CALR3: variants seen among roughly 807,000 people sequenced by gnomAD.
The protein encoded by CALR3 is calreticulin 3.
In CALR3, 39 loss-of-function variants were observed where a neutral mutation model predicts 48.7. The ratio of observed to expected loss-of-function variants is 0.80; its 90% CI spans 0.62 to 1.05. The LOEUF (loss-of-function observed/expected upper bound fraction) is 1.05. Ranked by LOEUF, CALR3 falls within the 50% of genes least tolerant of loss-of-function variation. CALR3 has a pLI of 0.00. For synonymous variants in CALR3, 185 were observed against 172.7 expected (o/e 1.07, Z -0.56); for missense variants, 449 against 474.7 (o/e 0.95, Z 0.50).
chr19:16,491,539 G>A (rs2093398106), intron 2 of CALR3, among the ~76,000 whole-genome samples: 1 of 151,506 alleles, frequency 6.6e-6, no homozygotes, highest in Admixed American at 6.6e-5. Context: ...AGCACTTTGG[G>A]AGGCTGAGGC....
At chr19:16,480,574 G>T in intron 8 of CALR3, 40 bp downstream of exon 8, 3 of 1,410,080 alleles carry the variant, frequency 2.1e-6, no homozygotes, top group Non-Finnish European at 1.0e-6. Context: ...TTACACAAAT[G>T]AAATAGTGAT....
intron 4 of CALR3, among the ~76,000 whole-genome samples, chr19:16,484,573 A>G (rs369924656): frequency 6.6e-6 from 1 of 152,012 alleles, no homozygotes; most frequent in Non-Finnish European, 1.5e-5. Context: ...GCTGGAGTGC[A>G]GTGGTGCAAT....
intron 8 of CALR3, among the ~76,000 whole-genome samples, chr19:16,480,189 A>T (rs1283134205): frequency 8.5e-6 from 1 of 118,240 alleles, no homozygotes; most frequent in African/African-American, 3.4e-5. Context: ...CGACAGAGCG[A>T]GACTCCGTCT....
chr19:16,485,339 T>A (rs1446882946), intron 3 of CALR3, 82 bp from the exon 4 acceptor site: 1 of 924,430 alleles, frequency 1.1e-6, no homozygotes, highest in African/African-American at 1.6e-5. Context: ...TTCTTTTTTT[T>A]TTTTTGAGAC....
At position 16,479,141 on chromosome 19, in the gene CALR3, T is replaced by C; in HGVS notation, c.1145A>G (p.Asn382Ser). Residue 382 changes from asparagine (N) to serine (S), a missense_variant, in exon 9 of 9, where the codon AAT becomes AGT. Coordinates refer to ENST00000269881, the MANE Select transcript of CALR3 (RefSeq NM_145046.5). ...EHYFNQFHRR[N>S]EL ...ATCCAATGGGGATCACTAAAGTTCA[T>C]TCCTTCTGTGAAATTGATTGAAGTA... The C allele has an allele frequency of 6.2e-7, 1 of 1,614,166 alleles. No homozygotes were observed. The highest frequency in any genetic ancestry group is 8.5e-7 in the Non-Finnish European group (1 of 1,180,018).
chr19:16,488,056 G>A (rs1426954447), intron 3 of CALR3, among the ~76,000 whole-genome samples: 4 of 152,128 alleles, frequency 2.6e-5, no homozygotes, highest in East Asian at 3.9e-4. Context: ...CTCGTGATCT[G>A]CCCACCTCGG....
At position 16,496,134 on chromosome 19, in the gene CALR3, G is replaced by C. The variant is rs1306388185; in HGVS notation, c.-5C>G. On this transcript the variant is annotated 5_prime_UTR_variant, in exon 1 of 9. Transcript: ENST00000269881. ...CTGGACCAAAGCCCGGGCCATGGGG[G>C]TGTGCACTGCGCTTCCGGTCGCCGC... 3 of 1,595,544 alleles carry C rather than the reference G, an allele frequency of 1.9e-6. No individual in the cohort carries two copies.
chr19:16,479,921 C>T (rs1183148172), intron 8 of CALR3, among the ~76,000 whole-genome samples: 1 of 151,856 alleles, frequency 6.6e-6, no homozygotes, highest in African/African-American at 2.4e-5. Flanking sequence ...ATTGCATGTC[C>T]TGGCTGGGCG....
In CALR3 at chr19:16,479,227, C is replaced by G. The variant is rs138239732; in HGVS notation, c.1059G>C (p.Lys353Asn). Reference sequence around the variant, plus strand: ...CTTCCTCCTCTTCCTCGCGGGCCTTCTTCATTTCCTCCTTGGCCTGTATGG... The same window carrying G: ...CTTCCTCCTCTTCCTCGCGGGCCTTGTTCATTTCCTCCTTGGCCTGTATGG... ...MDAIQAKEEM[K>N]KAREEEEEEL... Residue 353 changes from lysine to asparagine, a missense_variant, in exon 9 of 9, where the codon AAG becomes AAC. Lys to Asn is a moderately conservative substitution (Grantham distance 94, BLOSUM62 0). Transcript: ENST00000269881. The G allele has an allele frequency of 4.3e-6, 7 of 1,613,996 alleles. No individual in the cohort carries two copies. Among genetic ancestry groups the G allele is most frequent in the Non-Finnish European group, 5.9e-6 (7 of 1,180,040 alleles).
chr19:16,495,506 C>T (rs2093405909), intron 2 of CALR3, among the ~76,000 whole-genome samples: 1 of 144,596 alleles, frequency 6.9e-6, no homozygotes, highest in African/African-American at 2.6e-5. Context: ...TTGCAGTGAG[C>T]CGAAATCGCG....
chr19:16,482,637 GC>G (rs746430536), intron 6 of CALR3, 40 bp downstream of exon 6: 68 of 1,613,640 alleles, frequency 4.2e-5, no homozygotes, highest in Non-Finnish European at 5.6e-5. Flanking sequence ...CGGAGGGGCA[GC>G]CCTGGGGCAT....
At chr19:16,486,380 G>C (rs1295547663) in intron 3 of CALR3, among the ~76,000 whole-genome samples, 1 of 151,488 alleles carries the variant, frequency 6.6e-6, no homozygotes, top group Non-Finnish European at 1.5e-5. Flanking sequence ...CCAGAACTTT[G>C]GGGGGCTGAG....
chr19:16,495,626 C>T (rs2093406537), intron 2 of CALR3, 125 bp downstream of exon 2: 2 of 725,986 alleles, frequency 2.8e-6, no homozygotes, highest in Non-Finnish European at 4.9e-6. Context: ...TTAAGTTCTA[C>T]CTTTGCCTTA....
chr19:16,484,167 TC>T (rs369414539), intron 4 of CALR3, 52 bp from the exon 5 acceptor site: 13,850 of 1,125,516 alleles, frequency 0.012, 265 homozygotes, highest in East Asian at 0.057. Flanking sequence ...ATTTCTTTTT[TC>T]TTTTCTTTTC....
chr19:16,489,233 C>T (rs531910463), intron 3 of CALR3, among the ~76,000 whole-genome samples: 4 of 152,198 alleles, frequency 2.6e-5, no homozygotes, highest in Non-Finnish European at 5.9e-5. Flanking sequence ...GCCTGTAATC[C>T]CAGCACTTTG....
At chr19:16,493,306 G>A (rs540584521) in intron 2 of CALR3, among the ~76,000 whole-genome samples, 48 of 152,284 alleles carry the variant, frequency 3.2e-4, no homozygotes, top group African/African-American at 1.1e-3. Context: ...AGGGTGAAAT[G>A]TTAAATATAC....
At position 16,496,110 on chromosome 19, in the gene CALR3, T is replaced by G. The variant is rs538611499; in HGVS notation, c.20A>C (p.Gln7Pro). MARALV[Q>P]LWAICMLRVA... ...TCGCAGCATGCATATGGCCCAGAGC[T>G]GGACCAAAGCCCGGGCCATGGGGGT... Residue 7 changes from glutamine to proline, a missense_variant, in exon 1 of 9, where the codon CAG (glutamine) becomes CCG (proline). Gln to Pro is a moderately conservative substitution (Grantham distance 76). Coordinates refer to ENST00000269881, the MANE Select transcript of CALR3 (RefSeq NM_145046.5). 2 of 1,605,170 alleles carry G rather than the reference T, an allele frequency of 1.2e-6. No homozygotes were observed. The highest frequency in any genetic ancestry group is 1.7e-5 in the Admixed American group (1 of 58,972).
In CALR3 at chr19:16,490,548, G is replaced by A. The variant is rs577809057; in HGVS notation, c.216C>T (p.Gly72=). ...AGCGTGCAGAGATGGCATAGAATCG[G>A]CCATTCTGAGTGGTTTGCAGACCTT... is the stretch of plus-strand genomic sequence containing the variant. ...KDKGLQTTQN[G]RFYAISARFK... The change falls in exon 3 of 9, where the codon GGC becomes GGT. Residue 72 remains glycine (G), a synonymous_variant. Coordinates refer to ENST00000269881, the MANE Select transcript of CALR3 (RefSeq NM_145046.5). 1.9e-6 allele frequency: 3 copies of A among 1,613,950 alleles called. No homozygotes were observed. In the Admixed American group the frequency reaches 5.0e-5, roughly 27 times the overall value.
At chr19:16,483,117 T>TTACA (rs1432841956) in intron 5 of CALR3, among the ~76,000 whole-genome samples, 1 of 152,156 alleles carries the variant, frequency 6.6e-6, no homozygotes, top group African/African-American at 2.4e-5. Flanking sequence ...AGTGCTGGTA[T>TTACA]TACAGGCATT....
Sources: gnomAD v4.1 joint callset for allele counts (sites outside exome capture counted in the v4.1 genomes callset) on GRCh38, gnomAD v4.1.1 for gene constraint, MANE v1.5 for transcripts, NCBI Gene and HGNC (gene_info 2026-07-23, HGNC 2026-07-21) for gene names.